Variants in BLK observed in about 807,000 individuals in gnomAD.
The protein encoded by BLK is tyrosine-protein kinase Blk.
Under a neutral mutation model 61.8 loss-of-function variants are expected in BLK, and 64 were observed. The observed-to-expected ratio is 1.03, with a 90% confidence interval of 0.85 to 1.27. The LOEUF is 1.27. Ranked by LOEUF, BLK falls within the 50% of genes most tolerant of loss-of-function variation. BLK has a pLI of 0.00. For missense variants in BLK, 853 were observed against 660.5 expected (o/e 1.29, Z -3.19); for synonymous variants, 351 against 272.0 (o/e 1.29, Z -2.86).
intron 1 of BLK, among the ~76,000 whole-genome samples, chr8:11,521,331 C>A (rs1222925508): frequency 6.6e-6 from 1 of 152,162 alleles, no homozygotes; most frequent in African/African-American, 2.4e-5. Context: ...CACTCTGTCA[C>A]CAAGGCTGGA....
At position 11,530,701 on chromosome 8, in the gene BLK, C is replaced by A. The variant is rs186812825; in HGVS notation, c.-1-12523C>A. ...TAGCTCAGTAGAAGTTTTCTTTACT[C>A]TGAAAAACAAAACAAAAAGAATCAG... is the stretch of plus-strand genomic sequence containing the variant. On this transcript the variant is annotated intron_variant, in intron 1 of 12. Coordinates refer to ENST00000259089, the MANE Select transcript of BLK (RefSeq NM_001715.3). 6.6e-4 allele frequency among the ~76,000 whole-genome samples: 94 copies of A among 142,896 alleles called. 1 individual carries two copies. In the East Asian group the frequency reaches 0.019, roughly 28 times the overall value. 93.7% of individuals were successfully genotyped at this position (142,896 alleles called of 152,430 possible).
At chr8:11,524,733 G>T (rs1799585173) in intron 1 of BLK, among the ~76,000 whole-genome samples, 1 of 152,172 alleles carries the variant, frequency 6.6e-6, no homozygotes, top group African/African-American at 2.4e-5. Context: ...AACAGCTGGG[G>T]TGTGCGGCAG....
intron 3 of BLK, 42 bp downstream of exon 3, chr8:11,546,145 T>C: frequency 6.2e-7 from 1 of 1,608,052 alleles, no homozygotes; most frequent in Non-Finnish European, 8.5e-7. Flanking sequence ...CACAGCCCTC[T>C]CCCCTAGGTG....
chr8:11,497,809 C>A (rs1351304472), intron 1 of BLK, among the ~76,000 whole-genome samples: 1 of 152,222 alleles, frequency 6.6e-6, no homozygotes, highest in Non-Finnish European at 1.5e-5. Flanking sequence ...GCATCTGAGG[C>A]CTCTGGCACA....
chr8:11,545,904 T>A, intron 2 of BLK, 148 bp from the exon 3 acceptor site: 1 of 847,760 alleles, frequency 1.2e-6, no homozygotes, highest in Non-Finnish European at 2.0e-6. Context: ...GTACAGAATG[T>A]CCCTGAGCAG....
intron 6 of BLK, chr8:11,553,436 G>A: frequency 2.3e-6 from 1 of 435,154 alleles, no homozygotes; most frequent in South Asian, 1.7e-5. Flanking sequence ...CTTTACAAAG[G>A]ACACCAAATT....
chr8:11,531,085 T>A (rs1211996900), intron 1 of BLK, among the ~76,000 whole-genome samples: 1 of 152,220 alleles, frequency 6.6e-6, no homozygotes, highest in African/African-American at 2.4e-5. Flanking sequence ...GCCATTCCCC[T>A]AATGACTGAC....
intron 10 of BLK, chr8:11,559,862 A>G (rs923686702): frequency 1.8e-5 from 8 of 456,092 alleles, no homozygotes; most frequent in African/African-American, 4.0e-5. Flanking sequence ...AGAAACTGCC[A>G]GAGAGCCCTT....
intron 1 of BLK, among the ~76,000 whole-genome samples, chr8:11,539,261 C>G (rs1279013663): frequency 1.3e-5 from 2 of 152,160 alleles, no homozygotes; most frequent in African/African-American, 2.4e-5. Flanking sequence ...ATGGGATTCC[C>G]TCATGCACCT....
intron 1 of BLK, among the ~76,000 whole-genome samples, chr8:11,537,308 G>A (rs1262778369): frequency 6.6e-6 from 1 of 152,080 alleles, no homozygotes; most frequent in African/African-American, 2.4e-5. Flanking sequence ...TGCTCCATAT[G>A]GGATCTCATG....
intron 1 of BLK, among the ~76,000 whole-genome samples, chr8:11,495,632 G>T (rs1798336147): frequency 6.6e-6 from 1 of 152,186 alleles, no homozygotes. Flanking sequence ...CTTCAAAAAT[G>T]TCAAGGTCAT....
At chr8:11,531,121 T>C (rs1352478477) in intron 1 of BLK, among the ~76,000 whole-genome samples, 2 of 152,242 alleles carry the variant, frequency 1.3e-5, no homozygotes, top group East Asian at 3.8e-4. Context: ...TTCATGGGTT[T>C]GTGTGCTGCT....
intron 1 of BLK, among the ~76,000 whole-genome samples, chr8:11,534,563 C>A (rs1377574352): frequency 6.6e-6 from 1 of 152,224 alleles, no homozygotes; most frequent in Admixed American, 6.5e-5. Flanking sequence ...TTCTTCCTTC[C>A]TTCCTGAAGG....
At chr8:11,548,188 C>T (rs560591900) in intron 4 of BLK, 63 bp downstream of exon 4, 3 of 1,367,780 alleles carry the variant, frequency 2.2e-6, no homozygotes, top group East Asian at 2.3e-5. Context: ...TCTCTCCTTT[C>T]TCCACCCACC....
rs569271453 is a variant in BLK, at chr8:11,515,129, G to A, written c.-2+20538G>A. 2.2e-4 allele frequency among the ~76,000 whole-genome samples: 34 copies of A among 152,312 alleles called. No individual in the cohort carries two copies. In the South Asian group the frequency reaches 6.0e-3, roughly 27 times the overall value. On this transcript the variant is annotated intron_variant, in intron 1 of 12. Transcript: ENST00000259089. ...CCAAGAACTTTCAGGGTTTTGCCCT[G>A]TTTTGCTGGTTGGTGCCAGGAGATG...
At chr8:11,543,074 T>G in intron 1 of BLK, 150 bp from the exon 2 acceptor site, 10 of 1,208,312 alleles carry the variant, frequency 8.3e-6, no homozygotes, top group Non-Finnish European at 1.2e-5. Flanking sequence ...CACCCGCTTC[T>G]ACCCACGTTC....
At position 11,564,517 on chromosome 8, in the gene BLK, G is replaced by A. The variant is rs772660395; in HGVS notation, c.*409G>A. 6.1e-6 allele frequency: 3 copies of A among 490,890 alleles called. No homozygotes were observed. Among genetic ancestry groups the A allele is most frequent in the Admixed American group, 2.3e-5 (1 of 43,350 alleles). 30.4% of individuals were successfully genotyped at this position (490,890 alleles called of 1,614,324 possible). A position where few individuals can be genotyped will look rare whatever the true frequency, so the allele number is the denominator to read the frequency against. ...CGCTACAGAAGCCAGACTGGGTCCC[G>A]CGGACGCCAGCAGGGGCAGCCCCAG... On this transcript the variant is annotated 3_prime_UTR_variant, in exon 13 of 13. Coordinates refer to ENST00000259089, the MANE Select transcript of BLK (RefSeq NM_001715.3).
At chr8:11,551,426 A>G (rs4841554) in intron 6 of BLK, among the ~76,000 whole-genome samples, 42,025 of 152,046 alleles carry the variant, frequency 0.28, 6,389 homozygotes, top group Middle Eastern at 0.37. Context: ...ACACCTGTCA[A>G]TTTGGATTAG....
rs1177820925 is a variant in BLK, at chr8:11,527,801, C to A, written c.-1-15423C>A. 2.0e-5 allele frequency among the ~76,000 whole-genome samples: 3 copies of A among 151,712 alleles called. No homozygotes were observed. In the East Asian group the frequency reaches 5.8e-4, roughly 29 times the overall value. On this transcript the variant is annotated intron_variant, in intron 1 of 12. Coordinates refer to ENST00000259089, the MANE Select transcript of BLK (RefSeq NM_001715.3). ...AAAAAAAAAAAAAAATCTCAAAAGA[C>A]CAATCTTAGGTTCTGCAATAGTGAT...
Sources: gnomAD v4.1 joint callset for allele counts (sites outside exome capture counted in the v4.1 genomes callset) on GRCh38, gnomAD v4.1.1 for gene constraint, MANE v1.5 for transcripts, NCBI Gene and HGNC (gene_info 2026-07-23, HGNC 2026-07-21) for gene names.